Variants in NAV3 observed in about 807,000 individuals in gnomAD.
NAV3 encodes neuron navigator 3, also known as pore membrane and/or filament interacting like protein 1.
Under a neutral mutation model 244.7 loss-of-function variants are expected in NAV3, and 87 were observed. The ratio of observed to expected loss-of-function variants is 0.36; its 90% CI spans 0.30 to 0.42. NAV3 has a LOEUF of 0.42. Among genes scored for constraint, NAV3 ranks in the 20% least tolerant of loss-of-function variants. The pLI is 1.00. For synonymous variants in NAV3, 1,126 were observed against 1,042.2 expected (o/e 1.08, Z -1.55); for missense variants, 2,663 against 2,893.3 (o/e 0.92, Z 1.83).
intron 1 of NAV3, among the ~76,000 whole-genome samples, chr12:77,873,668 G>T: frequency 2.5e-5 from 2 of 78,440 alleles, no homozygotes; most frequent in South Asian, 5.8e-4. Flanking sequence ...ATATATACAT[G>T]ATTTGTATGT....
chr12:77,668,421 T>C (rs566282494), intron 2 of NAV3, among the ~76,000 whole-genome samples: 1 of 151,848 alleles, frequency 6.6e-6, no homozygotes, highest in South Asian at 2.1e-4. Context: ...TTCAGTGAAA[T>C]AAATAGCATA....
intron 1 of NAV3, among the ~76,000 whole-genome samples, chr12:77,841,477 C>T (rs1358562215): frequency 6.6e-6 from 1 of 152,072 alleles, no homozygotes; most frequent in Admixed American, 6.6e-5. Flanking sequence ...CAGATAAAAC[C>T]TAGGTCTCAG....
At chr12:77,739,048 T>C (rs987423534) in intron 2 of NAV3, among the ~76,000 whole-genome samples, 38 of 141,696 alleles carry the variant, frequency 2.7e-4, no homozygotes, top group Admixed American at 3.5e-4. Context: ...AGACTACAGG[T>C]TCTGGAACTA....
chr12:77,985,806 T>C (rs2136305031), intron 5 of NAV3, among the ~76,000 whole-genome samples: 1 of 152,312 alleles, frequency 6.6e-6, no homozygotes, highest in Middle Eastern at 3.4e-3. Flanking sequence ...CTGTCTTCAT[T>C]CAGGCCTATA....
At chr12:77,745,790 T>G (rs891362598) in intron 2 of NAV3, among the ~76,000 whole-genome samples, 6 of 151,948 alleles carry the variant, frequency 3.9e-5, no homozygotes, top group Non-Finnish European at 7.4e-5. Flanking sequence ...CAGCATGACT[T>G]TGTAACCCTC....
rs1870837454 is a variant in NAV3, at chr12:77,609,914, C to A, written c.72+37648C>A. Reference sequence around the variant, plus strand: ...TTGTAAGCTCCTTGAGCCCTTATTTCATTTCCCATACAATATCATATCCCC... The same window carrying A: ...TTGTAAGCTCCTTGAGCCCTTATTTAATTTCCCATACAATATCATATCCCC... On this transcript the variant is annotated intron_variant, in intron 2 of 8. Transcript: ENST00000550042. Among the ~76,000 whole-genome samples the A allele has an allele frequency of 2.0e-5, 3 of 152,016 alleles. No individual in the cohort carries two copies. In the South Asian group the frequency reaches 6.2e-4, roughly 31 times the overall value.
intron 11 of NAV3, among the ~76,000 whole-genome samples, chr12:78,053,965 T>G (rs145395610): frequency 6.6e-6 from 1 of 152,192 alleles, no homozygotes; most frequent in Admixed American, 6.5e-5. Context: ...GTAGAATGTT[T>G]ATCTGTAGAG....
At chr12:78,076,235 A>C (rs1352441591) in intron 12 of NAV3, among the ~76,000 whole-genome samples, 1 of 152,126 alleles carries the variant, frequency 6.6e-6, no homozygotes. Flanking sequence ...TTATGCCTGA[A>C]ATCCCATACT....
At chr12:77,826,108 T>C (rs1229548211), upstream of NAV3, among the ~76,000 whole-genome samples, 1 of 152,150 alleles carries the variant, frequency 6.6e-6, no homozygotes, top group Non-Finnish European at 1.5e-5. Context: ...TGGAAAATAG[T>C]GTGGCACATG....
intron 5 of NAV3, among the ~76,000 whole-genome samples, chr12:77,969,111 G>T (rs1403280610): frequency 6.6e-6 from 1 of 151,472 alleles, no homozygotes; most frequent in Non-Finnish European, 1.5e-5. Flanking sequence ...TTAAACATAG[G>T]AGTTTGAAGT....
chr12:77,918,921 G>C (rs1056458704), intron 1 of NAV3, among the ~76,000 whole-genome samples: 2 of 151,908 alleles, frequency 1.3e-5, no homozygotes, highest in African/African-American at 2.4e-5. Context: ...ATATCATATG[G>C]GAAGAAATAG....
At chr12:77,652,628 A>G (rs969143673) in intron 2 of NAV3, among the ~76,000 whole-genome samples, 1 of 152,234 alleles carries the variant, frequency 6.6e-6, no homozygotes, top group African/African-American at 2.4e-5. Flanking sequence ...ATTCATTGCC[A>G]TTAAAGACTT....
At chr12:77,575,538 T>C (rs1869040275) in intron 2 of NAV3, among the ~76,000 whole-genome samples, 1 of 152,154 alleles carries the variant, frequency 6.6e-6, no homozygotes, top group African/African-American at 2.4e-5. Context: ...TTGACCTTTG[T>C]TTGCACAATC....
intron 35 of NAV3, among the ~76,000 whole-genome samples, chr12:78,198,028 T>A (rs1410405097): frequency 6.6e-6 from 1 of 151,796 alleles, no homozygotes; most frequent in Admixed American, 6.6e-5. Flanking sequence ...TAAAGTAAGG[T>A]ATTAAAAAAT....
intron 12 of NAV3, among the ~76,000 whole-genome samples, chr12:78,102,892 AC>A (rs925241049): frequency 2.0e-5 from 3 of 151,932 alleles, no homozygotes; most frequent in Non-Finnish European, 4.4e-5. Flanking sequence ...CAGTATGGGC[AC>A]CCTGGGCCCA....
At chr12:77,736,687 G>A (rs1331741259) in intron 2 of NAV3, among the ~76,000 whole-genome samples, 1 of 152,204 alleles carries the variant, frequency 6.6e-6, no homozygotes, top group African/African-American at 2.4e-5. Context: ...ACTATACAAG[G>A]CCATGAATAC....
chr12:77,857,205 C>A (rs997262753), intron 1 of NAV3, among the ~76,000 whole-genome samples: 2 of 152,186 alleles, frequency 1.3e-5, no homozygotes, highest in Non-Finnish European at 2.9e-5. Context: ...CTTAATCTCT[C>A]TGAGCTCCAG....
intron 1 of NAV3, among the ~76,000 whole-genome samples, chr12:77,869,045 A>G (rs1016366126): frequency 6.6e-6 from 1 of 151,866 alleles, no homozygotes; most frequent in East Asian, 1.9e-4. Context: ...AAACAAACAA[A>G]CAAACAAACA....
chr12:78,205,057 T>C lies in NAV3; in HGVS notation c.6957T>C (p.Val2319=). ...PALLQLRPED[V]GYESCTSTKE... ...TACTTCAGCTGCGACCAGAAGATGT[T>C]GGGTATGAAAGCTGCACATCCACTA... is the stretch of plus-strand genomic sequence containing the variant. Residue 2319 remains valine, a synonymous_variant, in exon 39 of 40, where the codon GTT becomes GTC. Coordinates refer to ENST00000397909, the MANE Select transcript of NAV3 (RefSeq NM_001024383.2). 1 of 1,613,538 alleles carries C rather than the reference T, an allele frequency of 6.2e-7. No homozygotes were observed. The highest frequency in any genetic ancestry group is 8.5e-7 in the Non-Finnish European group (1 of 1,179,758).
Sources: gnomAD v4.1 joint callset for allele counts (sites outside exome capture counted in the v4.1 genomes callset) on GRCh38, gnomAD v4.1.1 for gene constraint, MANE v1.5 for transcripts, NCBI Gene and HGNC (gene_info 2026-07-23, HGNC 2026-07-21) for gene names.